MEPE: variants seen among roughly 807,000 people sequenced by gnomAD.
MEPE encodes the protein matrix extracellular phosphoglycoprotein.
In MEPE, 7 loss-of-function variants were observed where a neutral mutation model predicts 7.3. That is an observed-to-expected ratio of 0.95 (90% CI 0.54 to 1.79). The LOEUF (loss-of-function observed/expected upper bound fraction) is 1.79. Among genes scored for constraint, MEPE ranks in the 40% most tolerant of loss-of-function variants. The probability of loss-of-function intolerance (pLI) is 0.00; values close to 1 mark genes in which losing one functional copy is unlikely to be tolerated. For synonymous variants in MEPE, 214 were observed against 213.1 expected (o/e 1.00, Z -0.04); for missense variants, 623 against 628.2 (o/e 0.99, Z 0.09).
At chr4:87,836,375 C>G (rs1035589697) in intron 2 of MEPE, among the ~76,000 whole-genome samples, 2 of 151,868 alleles carry the variant, frequency 1.3e-5, no homozygotes. Flanking sequence ...AAAACTGTAC[C>G]GAGGTACTCT....
At chr4:87,839,787 A>G (rs1187078720) in intron 3 of MEPE, 4 of 1,547,806 alleles carry the variant, frequency 2.6e-6, no homozygotes, top group Non-Finnish European at 3.5e-6. Context: ...GGTAAGCTGA[A>G]TCTCTGAATG....
At chr4:87,838,773 C>A in intron 3 of MEPE, 88 bp downstream of exon 3, 1 of 1,197,616 alleles carries the variant, frequency 8.3e-7, no homozygotes, top group East Asian at 2.4e-5. Flanking sequence ...TCAAAATAGT[C>A]TTGGGCACTT....
Position 87,846,510 on chromosome 4 carries a change from G to A in MEPE, c.*64G>A, listed in dbSNP as rs1723277566. The A allele has an allele frequency of 6.6e-7, 1 of 1,526,344 alleles. No homozygotes were observed. Among genetic ancestry groups the A allele is most frequent in the Non-Finnish European group, 8.8e-7 (1 of 1,135,740 alleles). The allele number at this position is 1,526,344 out of a possible 1,614,324, so 94.6% of individuals were successfully genotyped here. On this transcript the variant is annotated 3_prime_UTR_variant, in exon 4 of 4. Coordinates refer to ENST00000361056, the MANE Select transcript of MEPE (RefSeq NM_020203.6). ...CTCGTCACCTGTGAGTTGATGTAGA[G>A]GAGAGCCACCTGACAGCTGACCAGG...
At chr4:87,831,184 A>G (rs1366717989), upstream of MEPE, among the ~76,000 whole-genome samples, 2 of 152,164 alleles carry the variant, frequency 1.3e-5, no homozygotes, top group African/African-American at 2.4e-5. Flanking sequence ...TTTGGTAGCC[A>G]GTTTGGGCAA....
rs17013285 is a variant in MEPE at position 87,845,856 on chromosome 4, G to A, written c.988G>A (p.Val330Ile). 0.17 allele frequency: 276,503 copies of A among 1,613,850 alleles called. 25,286 individuals carry two copies. Among genetic ancestry groups the A allele is most frequent in the Middle Eastern group, 0.27 (1,634 of 6,060 alleles). The change falls in exon 4 of 4, where the codon GTT becomes ATT. Residue 330 changes from valine (V) to isoleucine (I), a missense_variant. Coordinates refer to ENST00000361056, the MANE Select transcript of MEPE (RefSeq NM_020203.6). ...RDETAKEADAVDVSLVEGSND... is the reference protein window; with the variant it reads ...RDETAKEADAIDVSLVEGSND... ...TGAAACTGCGAAAGAGGCAGATGCT[G>A]TTGATGTCAGCCTTGTAGAGGGCAG... is the stretch of plus-strand genomic sequence containing the variant.
chr4:87,838,809 C>T, intron 3 of MEPE, 124 bp downstream of exon 3: 1 of 757,786 alleles, frequency 1.3e-6, no homozygotes, highest in East Asian at 2.7e-5. Flanking sequence ...AAATATACAA[C>T]ATAATGTTGG....
intron 3 of MEPE, among the ~76,000 whole-genome samples, chr4:87,840,520 T>G (rs981973502): frequency 6.6e-6 from 1 of 152,176 alleles, no homozygotes; most frequent in African/African-American, 2.4e-5. Flanking sequence ...TTAAAACATA[T>G]CCATTTGCCA....
At chr4:87,825,487 T>C (rs1330306504) in intron 1 of MEPE, among the ~76,000 whole-genome samples, 1 of 152,276 alleles carries the variant, frequency 6.6e-6, no homozygotes, top group African/African-American at 2.4e-5. Context: ...TATTCTGCAA[T>C]GTGAGGCTGC....
At chr4:87,825,971 G>A (rs1448672616) in intron 1 of MEPE, among the ~76,000 whole-genome samples, 1 of 152,160 alleles carries the variant, frequency 6.6e-6, no homozygotes, top group African/African-American at 2.4e-5. Context: ...GTTTGCTGGG[G>A]ATAATGGCTT....
chr4:87,845,687 T>C lies in MEPE; in HGVS notation c.819T>C (p.Gly273=). The C allele has an allele frequency of 6.2e-7, 1 of 1,613,766 alleles. No individual in the cohort carries two copies. The highest frequency in any genetic ancestry group is 8.5e-7 in the Non-Finnish European group (1 of 1,179,908). The change falls in exon 4 of 4, where the codon GGT becomes GGC. Residue 273 remains glycine, a synonymous_variant. Transcript: ENST00000361056. ...KDIPGKGEAT[G]PDLEGKDIQT... The stretch of plus-strand genomic sequence containing the variant: ...TTCCTGGTAAAGGAGAAGCTACTGG[T>C]CCTGACCTAGAAGGCAAAGATATTC...
At chr4:87,841,035 TAA>T (rs1722994830) in intron 3 of MEPE, among the ~76,000 whole-genome samples, 1 of 152,222 alleles carries the variant, frequency 6.6e-6, no homozygotes, top group Non-Finnish European at 1.5e-5. Context: ...TACCACAGGA[TAA>T]AAGTTGTTTC....
At position 87,846,492 on chromosome 4, in the gene MEPE, C is replaced by T. The variant is rs112631801; in HGVS notation, c.*46C>T. The T allele has an allele frequency of 8.0e-5, 126 of 1,568,562 alleles. No homozygotes were observed. The African/African-American group carries it at 1.3e-3, about 16-fold the overall frequency. On this transcript the variant is annotated 3_prime_UTR_variant, in exon 4 of 4. Coordinates refer to ENST00000361056, the MANE Select transcript of MEPE (RefSeq NM_020203.6). ...GGGTGACAGTCTGAAGACCTCGTCA[C>T]CTGTGAGTTGATGTAGAGGAGAGCC...
Position 87,846,642 on chromosome 4 carries a change from A to C in MEPE, c.*196A>C, listed in dbSNP as rs1578066577. 1.9e-6 allele frequency: 1 copy of C among 529,410 alleles called. No individual in the cohort carries two copies. Among genetic ancestry groups the C allele is most frequent in the East Asian group, 3.0e-5 (1 of 33,124 alleles). 32.8% of individuals were successfully genotyped at this position (529,410 alleles called of 1,614,324 possible). A position where few individuals can be genotyped will look rare whatever the true frequency, so the allele number is the denominator to read the frequency against. ...AGTATAAAATTCTATTAAAGGCTATAATGTTTTTAAGCAAAAAAAAATCAT... is the reference window on the plus strand; with the variant it reads ...AGTATAAAATTCTATTAAAGGCTATCATGTTTTTAAGCAAAAAAAAATCAT... On this transcript the variant is annotated 3_prime_UTR_variant, in exon 4 of 4. Coordinates refer to ENST00000361056, the MANE Select transcript of MEPE (RefSeq NM_020203.6).
At chr4:87,844,621 A>G (rs1298337165) in intron 3 of MEPE, among the ~76,000 whole-genome samples, 2 of 152,214 alleles carry the variant, frequency 1.3e-5, no homozygotes, top group African/African-American at 2.4e-5. Flanking sequence ...ATTTTAATAT[A>G]TGAAATCCAT....
intron 2 of MEPE, among the ~76,000 whole-genome samples, chr4:87,837,179 A>C (rs1368371241): frequency 6.6e-6 from 1 of 152,076 alleles, no homozygotes; most frequent in African/African-American, 2.4e-5. Context: ...TGGTGAGACC[A>C]CCCAAGGATC....
At chr4:87,828,049 C>T (rs1722509883), upstream of MEPE, among the ~76,000 whole-genome samples, 1 of 152,164 alleles carries the variant, frequency 6.6e-6, no homozygotes, top group Non-Finnish European at 1.5e-5. Context: ...AAAATGAAAA[C>T]ATTCCTTCTG....
At chr4:87,844,721 G>C (rs17013282) in intron 3 of MEPE, among the ~76,000 whole-genome samples, 2 of 152,088 alleles carry the variant, frequency 1.3e-5, no homozygotes, top group Non-Finnish European at 1.5e-5. Context: ...TGAATATGCC[G>C]CTTATTCTTA....
intron 1 of MEPE, among the ~76,000 whole-genome samples, chr4:87,823,018 C>G (rs991372727): frequency 6.6e-6 from 1 of 152,234 alleles, no homozygotes; most frequent in East Asian, 1.9e-4. Flanking sequence ...CTGAATACCT[C>G]TTCCAGATCT....
intron 1 of MEPE, 145 bp from the exon 2 acceptor site, chr4:87,834,558 C>A: frequency 1.9e-6 from 1 of 522,394 alleles, no homozygotes; most frequent in Non-Finnish European, 3.3e-6. Context: ...GCAAGTTATA[C>A]ATAGTCTATA....
Sources: gnomAD v4.1 joint callset for allele counts (sites outside exome capture counted in the v4.1 genomes callset) on GRCh38, gnomAD v4.1.1 for gene constraint, MANE v1.5 for transcripts, NCBI Gene and HGNC (gene_info 2026-07-23, HGNC 2026-07-21) for gene names.